MAPK10: variants seen among roughly 807,000 people sequenced by gnomAD.
The protein encoded by MAPK10 is mitogen-activated protein kinase 10, also known as JNK3 alpha protein kinase.
Under a neutral mutation model 59.3 loss-of-function variants are expected in MAPK10, and 25 were observed. The observed-to-expected ratio is 0.42, with a 90% CI of 0.31 to 0.59. MAPK10 has a LOEUF of 0.59. MAPK10 is among the 20% of genes least tolerant of loss of function. MAPK10 has a pLI of 0.15. For missense variants in MAPK10, 351 were observed against 568.9 expected (o/e 0.62, Z 3.90); for synonymous variants, 190 against 200.5 (o/e 0.95, Z 0.44).
chr4:86,189,511 T>C (rs2079131098), intron 3 of MAPK10, among the ~76,000 whole-genome samples: 1 of 152,216 alleles, frequency 6.6e-6, no homozygotes, highest in Non-Finnish European at 1.5e-5. Context: ...TTTGTAGCAG[T>C]TGTGAATGGG....
At chr4:86,240,091 T>C (rs1439824506) in intron 2 of MAPK10, among the ~76,000 whole-genome samples, 1 of 152,220 alleles carries the variant, frequency 6.6e-6, no homozygotes, top group East Asian at 1.9e-4. Context: ...ATTTCTGCCT[T>C]AATTTTATTA....
intron 2 of MAPK10, among the ~76,000 whole-genome samples, chr4:86,266,159 G>A (rs1340627777): frequency 1.3e-5 from 2 of 152,270 alleles, no homozygotes; most frequent in African/African-American, 2.4e-5. Context: ...AACAACAGAG[G>A]AAGAGAGGAG....
chr4:86,245,125 T>C (rs1222943086), intron 2 of MAPK10, among the ~76,000 whole-genome samples: 1 of 152,202 alleles, frequency 6.6e-6, no homozygotes, highest in Admixed American at 6.5e-5. Flanking sequence ...CTGGAAAATA[T>C]GACTTAAGTC....
At chr4:86,435,383 G>A (rs900702127) in intron 1 of MAPK10, among the ~76,000 whole-genome samples, 9 of 152,094 alleles carry the variant, frequency 5.9e-5, no homozygotes, top group African/African-American at 2.2e-4. Context: ...TGTGATCCCA[G>A]CTACTCAGGA....
intron 9 of MAPK10, chr4:86,079,587 G>C (rs145287548): frequency 6.6e-6 from 1 of 152,120 alleles, no homozygotes; most frequent in South Asian, 2.1e-4. Flanking sequence ...AGAGGCCTTG[G>C]AGATCATGTA....
intron 2 of MAPK10, among the ~76,000 whole-genome samples, chr4:86,335,971 A>G (rs1167273798): frequency 1.3e-5 from 2 of 152,168 alleles, no homozygotes; most frequent in African/African-American, 4.8e-5. Context: ...TTGGGTAGGG[A>G]CACAGAGCCC....
At chr4:86,321,420 T>C (rs909786428) in intron 2 of MAPK10, among the ~76,000 whole-genome samples, 38 of 151,532 alleles carry the variant, frequency 2.5e-4, no homozygotes, top group Non-Finnish European at 4.6e-4. Flanking sequence ...AAATGATGAG[T>C]TCATGTTCTT....
intron 1 of MAPK10, chr4:86,356,314 A>G (rs978869330): frequency 6.5e-6 from 1 of 153,250 alleles, no homozygotes; most frequent in Non-Finnish European, 1.4e-5. Context: ...CATAGTCACC[A>G]GAGATAAGAA....
Position 86,438,697 on chromosome 4 carries a change from A to G in MAPK10, c.-122+14333T>C, listed in dbSNP as rs543075867. On this transcript the variant is annotated intron_variant, in intron 1 of 13. Transcript: ENST00000361569. ...AAGAGCAAAACTCCATCTCAAAAAA[A>G]AAAAAAAAAACATGCAAGGATTTTT... 2.6e-5 allele frequency among the ~76,000 whole-genome samples: 4 copies of G among 152,126 alleles called. No individual in the cohort carries two copies. The South Asian group carries it at 8.3e-4, about 32-fold the overall frequency.
At chr4:86,176,684 C>T (rs1404638624) in intron 3 of MAPK10, among the ~76,000 whole-genome samples, 1 of 152,008 alleles carries the variant, frequency 6.6e-6, no homozygotes, top group Non-Finnish European at 1.5e-5. Flanking sequence ...AAGCATAGCA[C>T]TAAATTAACA....
chr4:86,011,357 T>A lies in MAPK10; in HGVS notation c.*5871A>T, dbSNP rs1741421099. ...CTGTGGAGAAAAGACATGTTACAAA[T>A]ACAAAACACCACCATGATGAATTGG... On this transcript the variant is annotated 3_prime_UTR_variant, in exon 14 of 14. Transcript: ENST00000641462. 6.6e-6 allele frequency: 1 copy of A among 152,192 alleles called. No homozygotes were observed. Among genetic ancestry groups the A allele is most frequent in the African/African-American group, 2.4e-5 (1 of 41,452 alleles). 9.4% of individuals were successfully genotyped at this position (152,192 alleles called of 1,614,324 possible).
At chr4:86,409,492 A>G (rs980198031) in intron 1 of MAPK10, among the ~76,000 whole-genome samples, 1 of 152,198 alleles carries the variant, frequency 6.6e-6, no homozygotes, top group East Asian at 1.9e-4. Context: ...TACCTTGAGC[A>G]GTATGGCCAT....
chr4:86,099,214 G>A (rs1463545067), intron 8 of MAPK10: 1 of 152,228 alleles, frequency 6.6e-6, no homozygotes, highest in African/African-American at 2.4e-5. Context: ...ATAAACATCA[G>A]TTTTAGTTTC....
chr4:86,534,302 G>T (rs1175097784), intron 1 of MAPK10, among the ~76,000 whole-genome samples: 2 of 151,920 alleles, frequency 1.3e-5, no homozygotes, highest in Non-Finnish European at 2.9e-5. Flanking sequence ...ATTTCTTTAA[G>T]AATAAATTTA....
rs936613856 is a variant in MAPK10, at chr4:86,189,778, A to G, written c.66+4558T>C. Among the ~76,000 whole-genome samples, 6 of 152,138 alleles carry G rather than the reference A, an allele frequency of 3.9e-5. No homozygotes were observed. In the South Asian group the frequency reaches 8.3e-4, roughly 21 times the overall value. The stretch of plus-strand genomic sequence containing the variant: ...CTGATTGCCCCAGTCAGAACTTCCA[A>G]TACTCTGTTGAATAGGAGTGGTGAG... On this transcript the variant is annotated intron_variant, in intron 3 of 13. Coordinates refer to ENST00000641462, the MANE Select transcript of MAPK10 (RefSeq NM_138982.4).
Position 86,515,688 on chromosome 4 carries a change from T to G in MAPK10, c.-263+78222A>C, listed in dbSNP as rs144881349. Among the ~76,000 whole-genome samples the G allele has an allele frequency of 8.6e-3, 1,304 of 151,870 alleles. 17 individuals carry two copies. The highest frequency in any genetic ancestry group is 0.03 in the African/African-American group (1,245 of 41,418). ...GCCCACTTTTTGATGGGATTATTTG[T>G]TTTTTTTCTTGCTGATTTGTTTGAG... On this transcript the variant is annotated intron_variant, in intron 1 of 4. Transcript: ENST00000502302.
intron 1 of MAPK10, among the ~76,000 whole-genome samples, chr4:86,475,775 C>T (rs903563149): frequency 2.0e-5 from 3 of 152,136 alleles, no homozygotes; most frequent in African/African-American, 7.2e-5. Flanking sequence ...ACCCCCCACC[C>T]CTTCTCTCCA....
chr4:86,398,092 G>C (rs570155491), intron 1 of MAPK10, among the ~76,000 whole-genome samples: 4 of 152,036 alleles, frequency 2.6e-5, no homozygotes, highest in African/African-American at 9.6e-5. Context: ...AGAAGAGACA[G>C]GCGCACAGGC....
chr4:86,421,220 T>A (rs1208640130), intron 1 of MAPK10, among the ~76,000 whole-genome samples: 2 of 152,232 alleles, frequency 1.3e-5, no homozygotes, highest in African/African-American at 4.8e-5. Flanking sequence ...ATCGTTCTTT[T>A]TGCTTGTTTG....
Sources: gnomAD v4.1 joint callset for allele counts (sites outside exome capture counted in the v4.1 genomes callset) on GRCh38, gnomAD v4.1.1 for gene constraint, MANE v1.5 for transcripts, NCBI Gene and HGNC (gene_info 2026-07-23, HGNC 2026-07-21) for gene names.